LIMCH1: variants seen among roughly 807,000 people sequenced by gnomAD.
The protein encoded by LIMCH1 is LIM and calponin homology domains 1.
Under a neutral mutation model 176.5 loss-of-function variants are expected in LIMCH1, and 113 were observed. The observed-to-expected ratio is 0.64, with a 90% CI of 0.55 to 0.75. The LOEUF (loss-of-function observed/expected upper bound fraction) is 0.75, where lower values mean the gene tolerates loss of function less well. Among genes scored for constraint, LIMCH1 ranks in the 30% least tolerant of loss-of-function variants. LIMCH1 has a pLI of 0.00. For synonymous variants in LIMCH1, 619 were observed against 645.9 expected, an observed-to-expected ratio of 0.96 and a Z score of 0.63; for missense variants, 1,674 against 1,814.9, an observed-to-expected ratio of 0.92 and a Z score of 1.41.
intron 20 of LIMCH1, among the ~76,000 whole-genome samples, chr4:41,665,103 G>A (rs750712924): frequency 2.0e-5 from 3 of 152,082 alleles, no homozygotes; most frequent in Non-Finnish European, 2.9e-5. Context: ...CTTTCTTACT[G>A]TACGGCTAGC....
At chr4:41,602,892 T>C (rs2090173652) in intron 2 of LIMCH1, among the ~76,000 whole-genome samples, 1 of 151,482 alleles carries the variant, frequency 6.6e-6, no homozygotes, top group Non-Finnish European at 1.5e-5. Context: ...AACAGAAACA[T>C]GAAACATTTT....
intron 18 of LIMCH1, among the ~76,000 whole-genome samples, chr4:41,653,744 G>A (rs192407196): frequency 7.0e-4 from 107 of 152,332 alleles, no homozygotes; most frequent in Non-Finnish European, 1.2e-3. Context: ...TCAGCATCTG[G>A]GCCCGGGACG....
At position 41,689,686 on chromosome 4, in the gene LIMCH1, G is replaced by T. The variant is rs1235245325; in HGVS notation, c.4275+51G>T. On this transcript the variant is annotated intron_variant, in intron 30 of 31. Coordinates refer to ENST00000503057, the MANE Select transcript of LIMCH1 (RefSeq NM_001330672.2). ...AGACACAACTTCATGATGTCTTTTG[G>T]CATCGTTCCGTGCTGAAAAATGCCT... 2.6e-6 allele frequency: 3 copies of T among 1,162,644 alleles called. No homozygotes were observed. The South Asian group carries it at 3.7e-5, about 14-fold the overall frequency. 72.0% of individuals were successfully genotyped at this position (1,162,644 alleles called of 1,614,324 possible). A position where few individuals can be genotyped will look rare whatever the true frequency, so the allele number is the denominator to read the frequency against.
At chr4:41,482,295 G>A (rs1031872119) in intron 1 of LIMCH1, among the ~76,000 whole-genome samples, 4 of 152,208 alleles carry the variant, frequency 2.6e-5, no homozygotes, top group African/African-American at 9.7e-5. Context: ...GAGAGCCATA[G>A]GATTGGATGC....
At chr4:41,467,047 C>G (rs2066223947) in intron 1 of LIMCH1, among the ~76,000 whole-genome samples, 2 of 152,060 alleles carry the variant, frequency 1.3e-5, no homozygotes, top group Non-Finnish European at 2.9e-5. Context: ...GACTGGCTGA[C>G]TTCACCTAAC....
chr4:41,522,354 A>G (rs1385553453), intron 2 of LIMCH1, among the ~76,000 whole-genome samples: 5 of 152,146 alleles, frequency 3.3e-5, no homozygotes, highest in Non-Finnish European at 5.9e-5. Context: ...ATATTTTTAA[A>G]TTCTATATAT....
At chr4:41,625,386 C>T (rs752538077) in intron 7 of LIMCH1, among the ~76,000 whole-genome samples, 1 of 152,070 alleles carries the variant, frequency 6.6e-6, no homozygotes, top group Non-Finnish European at 1.5e-5. Flanking sequence ...ATTTTGATAC[C>T]TAGACACCTG....
At chr4:41,595,642 G>A (rs1480079974) in intron 1 of LIMCH1, among the ~76,000 whole-genome samples, 2 of 152,152 alleles carry the variant, frequency 1.3e-5, no homozygotes, top group Non-Finnish European at 1.5e-5. Flanking sequence ...AGGTATAAAT[G>A]TTTAGTTCAT....
intron 28 of LIMCH1, among the ~76,000 whole-genome samples, chr4:41,686,135 C>T (rs1720569842): frequency 6.6e-6 from 1 of 152,124 alleles, no homozygotes; most frequent in South Asian, 2.1e-4. Flanking sequence ...AGTTAAATTG[C>T]CTCAGAGCCT....
intron 1 of LIMCH1, among the ~76,000 whole-genome samples, chr4:41,443,742 C>A (rs780347219): frequency 6.6e-6 from 1 of 152,152 alleles, no homozygotes; most frequent in Non-Finnish European, 1.5e-5. Flanking sequence ...CTCAGTTAAC[C>A]AAGGGAGCAG....
Position 41,613,456 on chromosome 4 carries a change from T to C in LIMCH1, c.10-10T>C. ...TATGTCTGTAACCCTTTCATTTTCT[T>C]TTTTGACAGGACACTGATGACATTG... On this transcript the variant is annotated splice_polypyrimidine_tract_variant and intron_variant, in intron 4 of 31. Coordinates refer to ENST00000503057, the MANE Select transcript of LIMCH1 (RefSeq NM_001330672.2). 6.2e-7 allele frequency: 1 copy of C among 1,611,522 alleles called. No individual in the cohort carries two copies. The highest frequency in any genetic ancestry group is 1.1e-5 in the South Asian group (1 of 90,924).
intron 5 of LIMCH1, among the ~76,000 whole-genome samples, chr4:41,617,274 T>G (rs2092184649): frequency 1.4e-5 from 2 of 147,620 alleles, no homozygotes; most frequent in Admixed American, 1.3e-4. Context: ...TCAGGAGACA[T>G]TTTCCCAAGA....
At position 41,632,925 on chromosome 4, in the gene LIMCH1, G is replaced by A. The variant is rs1019784840; in HGVS notation, c.1721-52G>A. Reference sequence around the variant, plus strand: ...GTGAAGGAGGACAGGTGGGGTCAGAGCCTCTGGTGTGAATTCTTTCCTAGG... The same window carrying A: ...GTGAAGGAGGACAGGTGGGGTCAGAACCTCTGGTGTGAATTCTTTCCTAGG... On this transcript the variant is annotated intron_variant, in intron 11 of 31. Coordinates refer to ENST00000503057, the MANE Select transcript of LIMCH1 (RefSeq NM_001330672.2). 1.6e-5 allele frequency: 24 copies of A among 1,528,960 alleles called. No individual in the cohort carries two copies. The Admixed American group carries it at 4.5e-4, about 29-fold the overall frequency. 94.7% of individuals were successfully genotyped at this position (1,528,960 alleles called of 1,614,324 possible).
chr4:41,505,893 T>C (rs2074087685), intron 2 of LIMCH1, among the ~76,000 whole-genome samples: 1 of 147,268 alleles, frequency 6.8e-6, no homozygotes, highest in African/African-American at 2.6e-5. Flanking sequence ...CTCCCAGTCT[T>C]AGTCAGTATT....
chr4:41,484,139 A>G (rs1554067358), intron 1 of LIMCH1, among the ~76,000 whole-genome samples: 1 of 152,174 alleles, frequency 6.6e-6, no homozygotes, highest in Non-Finnish European at 1.5e-5. Context: ...TCATTCAGCT[A>G]TTTCTTCAGT....
At chr4:41,437,181 G>T (rs942159009) in intron 1 of LIMCH1, among the ~76,000 whole-genome samples, 2 of 152,184 alleles carry the variant, frequency 1.3e-5, no homozygotes, top group Admixed American at 1.3e-4. Context: ...GTGCTGATCG[G>T]CTGCCTTTTG....
intron 1 of LIMCH1, among the ~76,000 whole-genome samples, chr4:41,408,813 G>A (rs2059220569): frequency 6.6e-6 from 1 of 152,188 alleles, no homozygotes; most frequent in Admixed American, 6.5e-5. Context: ...ATTGTATTGA[G>A]GGTAAGCTTC....
chr4:41,673,397 G>T (rs1439469), intron 22 of LIMCH1, among the ~76,000 whole-genome samples: 84,438 of 152,048 alleles, frequency 0.56, 24,594 homozygotes, highest in African/African-American at 0.7. Flanking sequence ...AAACACATTC[G>T]CATTTCTTGT....
chr4:41,652,114 GT>G (rs2094321756), intron 18 of LIMCH1, among the ~76,000 whole-genome samples: 1 of 152,194 alleles, frequency 6.6e-6, no homozygotes, highest in South Asian at 2.1e-4. Context: ...ACCTAGAAAG[GT>G]TTGGTGTGAA....
Sources: allele counts gnomAD v4.1 joint callset (sites outside exome capture counted in the v4.1 genomes callset), GRCh38; gene constraint gnomAD v4.1.1; transcripts MANE v1.5; gene names NCBI Gene and HGNC (gene_info 2026-07-23, HGNC 2026-07-21).